The following LMF1 variants were observed in gnomAD, a reference collection of about 807,000 sequenced individuals.
LMF1 encodes the protein lipase maturation factor 1.
Under a neutral mutation model 60.6 loss-of-function variants are expected in LMF1, and 68 were observed. The observed-to-expected ratio is 1.12, with a 90% CI of 0.92 to 1.37. The LOEUF is 1.37. LMF1 is among the 40% of genes most tolerant of loss of function. The pLI is 0.00. For missense variants in LMF1, 948 were observed against 767.2 expected (o/e 1.24, Z -2.78); for synonymous variants, 418 against 324.7 (o/e 1.29, Z -3.09).
At position 892,940 on chromosome 16, in the gene LMF1, C is replaced by T. The variant is rs548877780; in HGVS notation, c.729+67G>A. ...CACCAGGGTGTGCAGGACTGAGCCCCGCCAAGAGTGGGAACGGGGCGGCGT... is the reference window on the plus strand; with the variant it reads ...CACCAGGGTGTGCAGGACTGAGCCCTGCCAAGAGTGGGAACGGGGCGGCGT... On this transcript the variant is annotated intron_variant, in intron 5 of 10. Coordinates refer to ENST00000262301, the MANE Select transcript of LMF1 (RefSeq NM_022773.4). The T allele has an allele frequency of 1.4e-5, 18 of 1,301,518 alleles. No homozygotes were observed. The South Asian group carries it at 2.1e-4, about 15-fold the overall frequency. The allele number at this position is 1,301,518 out of a possible 1,614,324, so 80.6% of individuals were successfully genotyped here.
At chr16:904,895 A>C (rs2070933272) in intron 4 of LMF1, 1 of 84,840 alleles carries the variant, frequency 1.2e-5, no homozygotes. Flanking sequence ...CGTGGTGGTG[A>C]CCTCTGCATC....
In LMF1 at chr16:869,894, C is replaced by T. The variant is rs181731943; in HGVS notation, c.1405G>A (p.Ala469Thr). 778 of 1,612,032 alleles carry T rather than the reference C, an allele frequency of 4.8e-4. 3 individuals carry two copies. In the Middle Eastern group the frequency reaches 6.1e-3, roughly 13 times the overall value. ...GGACCGTCCCCCACCTGGAAGGCCG[C>T]GAACCACATCAGCCAGTCCAGGCGG... ...HYRLDWLMWF[A>T]AFQTYEHNDW... Residue 469 changes from alanine to threonine, a missense_variant, in exon 9 of 11, where the codon GCG (alanine) becomes ACG (threonine). Physicochemically the swap from Ala to Thr is moderately conservative, Grantham distance 58. Coordinates refer to ENST00000262301, the MANE Select transcript of LMF1 (RefSeq NM_022773.4).
upstream of LMF1, chr16:975,838 TCAGGGCCTGGGCGGC>T (rs1359501978): frequency 2.2e-6 from 1 of 453,902 alleles, no homozygotes; most frequent in Non-Finnish European, 4.4e-6. Context: ...GCCGGGGAGG[TCAGGGCCTGGGCGGC>T]CAGGGCCCAT....
intron 1 of LMF1, among the ~76,000 whole-genome samples, chr16:968,104 C>T (rs971657249): frequency 6.6e-6 from 1 of 152,216 alleles, no homozygotes; most frequent in Non-Finnish European, 1.5e-5. Flanking sequence ...ACACCCCTAG[C>T]ACCTACACAC....
intron 6 of LMF1, among the ~76,000 whole-genome samples, chr16:876,361 C>T (rs552483143): frequency 3.9e-5 from 6 of 152,306 alleles, no homozygotes; most frequent in East Asian, 1.9e-4. Context: ...GGGCCACAAG[C>T]GACTCTGCAT....
chr16:884,782 T>C, intron 5 of LMF1, among the ~76,000 whole-genome samples: 1 of 137,514 alleles, frequency 7.3e-6, no homozygotes, highest in South Asian at 2.3e-4. Flanking sequence ...CTGGAAATGG[T>C]GATGTTAGGT....
intron 6 of LMF1, chr16:871,883 A>G (rs2069805741): frequency 6.5e-6 from 1 of 153,202 alleles, no homozygotes; most frequent in South Asian, 2.1e-4. Flanking sequence ...TGCCACAGAG[A>G]TGAACAGCAG....
chr16:889,334 G>A (rs549838539), intron 5 of LMF1, among the ~76,000 whole-genome samples: 248 of 152,306 alleles, frequency 1.6e-3, no homozygotes, highest in African/African-American at 5.1e-3. Context: ...TGAAAAAAGC[G>A]GTGAGTGTGG....
chr16:876,854 G>A, intron 6 of LMF1, among the ~76,000 whole-genome samples: 1 of 152,134 alleles, frequency 6.6e-6, no homozygotes, highest in South Asian at 2.1e-4. Context: ...ATCCATTAGA[G>A]GAGGGAAAAT....
In LMF1 at chr16:954,604, GA is replaced by G. The variant is rs1567314981; in HGVS notation, c.255del (p.Cys87AlafsTer5). 6.2e-7 allele frequency: 1 copy of G among 1,610,662 alleles called. No homozygotes were observed. Among genetic ancestry groups the G allele is most frequent in the Admixed American group, 1.7e-5 (1 of 59,994 alleles). On this transcript the variant is annotated frameshift_variant, in exon 2 of 11. Coordinates refer to ENST00000262301, the MANE Select transcript of LMF1 (RefSeq NM_022773.4). LOFTEE classifies it high-confidence loss of function. ...AAGTTCTTCAGGAACACTCTGCAGG[GA>G]AGCAGCCCCCTGTCACCGATGAGCT... The part of the protein sequence containing the change: ...NKQLIGDRGL[L>X]PCRVFLKNFQ...
chr16:907,476 G>T (rs894211247), intron 4 of LMF1, among the ~76,000 whole-genome samples: 1 of 152,114 alleles, frequency 6.6e-6, no homozygotes, highest in Admixed American at 6.5e-5. Context: ...TCCAGCTCCG[G>T]CGGGCACAGA....
intron 1 of LMF1, among the ~76,000 whole-genome samples, chr16:957,833 G>A (rs2072739460): frequency 6.6e-6 from 1 of 152,102 alleles, no homozygotes; most frequent in African/African-American, 2.4e-5. Flanking sequence ...AGGTTCAAAG[G>A]CAACTACACA....
chr16:981,188 G>C (rs1189545925), exon 1 of LMF1: 4 of 454,994 alleles, frequency 8.8e-6, no homozygotes, highest in African/African-American at 2.0e-5. Flanking sequence ...CTGGGCCTGG[G>C]CGCTGCGCGG....
chr16:910,371 C>A (rs1470744238), intron 4 of LMF1, among the ~76,000 whole-genome samples: 1 of 152,154 alleles, frequency 6.6e-6, no homozygotes, highest in Non-Finnish European at 1.5e-5. Context: ...CAGCAGGGAA[C>A]CTGGACAGTC....
chr16:962,736 G>A lies in LMF1; in HGVS notation c.193+8052C>T, dbSNP rs760844381. 6.6e-6 allele frequency among the ~76,000 whole-genome samples: 1 copy of A among 152,190 alleles called. No homozygotes were observed. Among genetic ancestry groups the A allele is most frequent in the African/African-American group, 2.4e-5 (1 of 41,448 alleles). On this transcript the variant is annotated intron_variant, in intron 1 of 10. Coordinates refer to ENST00000262301, the MANE Select transcript of LMF1 (RefSeq NM_022773.4). This position sits in a 1 kb window ranked among gnomAD's most constrained non-coding sequence, Gnocchi z 4.5. ...CAGACCAGGGAGGGAGGGAGGAGAC[G>A]CCAGGACAAAACCGGGTCCCAGAAC...
In LMF1 at chr16:921,753, G is replaced by A. The variant is rs990604927; in HGVS notation, c.515-10674C>T. ...CGACGCAGGGACGGGGGACACGGGC[G>A]AGGAGACCCACTACGTAACAACGCA... On this transcript the variant is annotated intron_variant, in intron 3 of 10. Transcript: ENST00000262301. Among the ~76,000 whole-genome samples the A allele has an allele frequency of 2.6e-5, 4 of 152,182 alleles. No homozygotes were observed. The South Asian group carries it at 6.2e-4, about 24-fold the overall frequency.
chr16:973,100 T>G (rs1167043088), upstream of LMF1, among the ~76,000 whole-genome samples: 1 of 152,096 alleles, frequency 6.6e-6, no homozygotes, highest in Non-Finnish European at 1.5e-5. Context: ...CCCAGCACTT[T>G]GGGAGGCCGA....
chr16:925,957 C>T (rs1429264102), intron 3 of LMF1, among the ~76,000 whole-genome samples: 4 of 151,554 alleles, frequency 2.6e-5, no homozygotes, highest in East Asian at 2.0e-4. Flanking sequence ...TGTGTGTGCA[C>T]GTGTGCACGT....
intron 1 of LMF1, chr16:968,882 G>C (rs1238661334): frequency 6.6e-6 from 1 of 152,240 alleles, no homozygotes; most frequent in African/African-American, 2.4e-5. Flanking sequence ...GGGACTTCCT[G>C]CTGTATCTCG....
Sources: allele counts gnomAD v4.1 joint callset (sites outside exome capture counted in the v4.1 genomes callset), GRCh38; gene constraint gnomAD v4.1.1; non-coding constraint Gnocchi (gnomAD v3.1); transcripts MANE v1.5; gene names NCBI Gene and HGNC (gene_info 2026-07-23, HGNC 2026-07-21).